The following UBR1 variants were observed in gnomAD, a reference collection of about 807,000 sequenced individuals.
UBR1 encodes the protein E3 ubiquitin-protein ligase UBR1.
A neutral mutation model predicts 242.1 loss-of-function variants in UBR1; 102 were observed. The observed-to-expected ratio is 0.42, with a 90% CI of 0.36 to 0.50. UBR1 has a LOEUF of 0.50. UBR1 is among the 20% of genes least tolerant of loss of function. UBR1 has a pLI of 0.01. For missense variants in UBR1, 1,772 were observed against 2,101.8 expected (o/e 0.84, Z 3.07); for synonymous variants, 675 against 684.8 (o/e 0.99, Z 0.22).
intron 33 of UBR1, among the ~76,000 whole-genome samples, chr15:42,997,487 G>T (rs2032657988): frequency 6.6e-6 from 1 of 152,090 alleles, no homozygotes; most frequent in Admixed American, 6.5e-5. Flanking sequence ...AAAAAGGTTG[G>T]GGACCATTGG....
intron 23 of UBR1, chr15:43,026,252 AAAAAC>A (rs2033177000): frequency 7.2e-6 from 2 of 278,758 alleles, no homozygotes; most frequent in South Asian, 4.1e-5. Context: ...AACAAAAACA[AAAAAC>A]AAAACAAAAC....
chr15:43,082,022 T>G (rs1322766299), intron 3 of UBR1, among the ~76,000 whole-genome samples: 1 of 152,070 alleles, frequency 6.6e-6, no homozygotes, highest in African/African-American at 2.4e-5. Context: ...TTTATATATT[T>G]TGCTTTTTAC....
intron 33 of UBR1, among the ~76,000 whole-genome samples, chr15:42,996,072 TC>T (rs2141280887): frequency 1.3e-5 from 2 of 152,348 alleles, no homozygotes; most frequent in Non-Finnish European, 2.9e-5. Context: ...TTCTCCTTTA[TC>T]CCTACCACAC....
intron 40 of UBR1, 107 bp from the exon 41 acceptor site, chr15:42,966,393 A>C: frequency 6.9e-7 from 1 of 1,452,906 alleles, no homozygotes; most frequent in Non-Finnish European, 9.5e-7. Context: ...TAGGTAATTT[A>C]TTATCCATGC....
chr15:43,008,641 G>C (rs2032870795), intron 29 of UBR1, among the ~76,000 whole-genome samples: 1 of 152,244 alleles, frequency 6.6e-6, no homozygotes, highest in African/African-American at 2.4e-5. Context: ...CTGGGGACCG[G>C]TATGTCAGTT....
At chr15:43,012,051 C>A (rs996564386) in intron 29 of UBR1, 2 of 264,672 alleles carry the variant, frequency 7.6e-6, no homozygotes, top group Non-Finnish European at 1.5e-5. Context: ...ACAGTGAAAC[C>A]CCCTCTCTAC....
intron 1 of UBR1, among the ~76,000 whole-genome samples, chr15:43,096,249 C>T (rs561409824): frequency 2.0e-4 from 31 of 151,824 alleles, no homozygotes; most frequent in Admixed American, 3.9e-4. Flanking sequence ...TCTGGGCTCA[C>T]TGCAATCTCC....
intron 44 of UBR1, among the ~76,000 whole-genome samples, chr15:42,953,170 G>C (rs763212685): frequency 6.6e-6 from 1 of 152,172 alleles, no homozygotes; most frequent in Non-Finnish European, 1.5e-5. Flanking sequence ...GTCAACTAGT[G>C]TTTTATGATG....
At chr15:42,966,397 T>C (rs564224994) in intron 40 of UBR1, 111 bp from the exon 41 acceptor site, 1 of 1,441,250 alleles carries the variant, frequency 6.9e-7, no homozygotes, top group Admixed American at 1.9e-5. Flanking sequence ...TAATTTATTA[T>C]CCATGCAATT....
intron 35 of UBR1, 59 bp from the exon 36 acceptor site, chr15:42,985,001 T>A (rs2141273204): frequency 5.0e-6 from 6 of 1,208,788 alleles, no homozygotes; most frequent in Non-Finnish European, 7.1e-6. Flanking sequence ...AATCATATAC[T>A]GTACTTTTTA....
chr15:43,062,371 C>G (rs1304286147), intron 6 of UBR1, among the ~76,000 whole-genome samples: 1 of 151,886 alleles, frequency 6.6e-6, no homozygotes, highest in Non-Finnish European at 1.5e-5. Context: ...TGCATGATCT[C>G]ATTTGTATGA....
At chr15:43,103,953 G>A (rs1419038426) in intron 1 of UBR1, among the ~76,000 whole-genome samples, 1 of 152,086 alleles carries the variant, frequency 6.6e-6, no homozygotes, top group African/African-American at 2.4e-5. Flanking sequence ...GAGGTAGAAT[G>A]ATCTGTAGGG....
chr15:43,011,113 G>A (rs1293998190), intron 29 of UBR1, among the ~76,000 whole-genome samples: 1 of 151,750 alleles, frequency 6.6e-6, no homozygotes, highest in African/African-American at 2.4e-5. Context: ...TGAGGCTGTA[G>A]TGTGTCATAA....
intron 29 of UBR1, among the ~76,000 whole-genome samples, chr15:43,013,755 T>C (rs1280373574): frequency 6.6e-6 from 1 of 152,232 alleles, no homozygotes; most frequent in Non-Finnish European, 1.5e-5. Context: ...CTGACCTTTC[T>C]AGAATGAAAA....
chr15:42,969,965 A>T (rs1460677872), intron 40 of UBR1, among the ~76,000 whole-genome samples: 2 of 152,222 alleles, frequency 1.3e-5, no homozygotes, highest in African/African-American at 4.8e-5. Flanking sequence ...GCTACCACTG[A>T]CTTTCTTCAC....
intron 14 of UBR1, among the ~76,000 whole-genome samples, chr15:43,046,461 C>T (rs573561136): frequency 6.6e-6 from 1 of 152,050 alleles, no homozygotes; most frequent in Non-Finnish European, 1.5e-5. Context: ...AACACAAGTC[C>T]AGATAATTCA....
intron 30 of UBR1, among the ~76,000 whole-genome samples, chr15:43,005,245 G>C (rs926520005): frequency 1.3e-5 from 2 of 152,080 alleles, no homozygotes; most frequent in South Asian, 2.1e-4. Context: ...CAGGAGGTGG[G>C]GGGGCAGCCT....
chr15:43,005,039 G>A (rs557669833), intron 30 of UBR1, among the ~76,000 whole-genome samples: 1 of 151,536 alleles, frequency 6.6e-6, no homozygotes, highest in African/African-American at 2.4e-5. Context: ...GACCCCGTCT[G>A]GGAACTGAGG....
rs1190433724 is a variant in UBR1 at position 42,966,186 on chromosome 15, G to A, written c.4558C>T (p.Leu1520Phe). Residue 1520 changes from leucine (L) to phenylalanine (F), a missense_variant, in exon 41 of 47, where the codon CTT (leucine) becomes TTT (phenylalanine). By Grantham distance (22) the Leu-to-Phe change is conservative. Coordinates refer to ENST00000290650, the MANE Select transcript of UBR1 (RefSeq NM_174916.3). ...RCAALFFHYL[L>F]GVTPPEELHT... ...AGTTCCTCAGGCGGAGTTACCCCAA[G>A]TAAATAGTGGAAAAACAATGCAGCA... 2.5e-6 allele frequency: 4 copies of A among 1,613,954 alleles called. No homozygotes were observed. The African/African-American group carries it at 4.0e-5, about 16-fold the overall frequency.
Sources: gnomAD v4.1 joint callset for allele counts (sites outside exome capture counted in the v4.1 genomes callset) on GRCh38, gnomAD v4.1.1 for gene constraint, MANE v1.5 for transcripts, NCBI Gene and HGNC (gene_info 2026-07-23, HGNC 2026-07-21) for gene names.